Variants in TNFRSF8 observed in about 807,000 individuals in gnomAD.
TNFRSF8 encodes TNF receptor superfamily member 8, also known as tumor necrosis factor receptor superfamily member 8.
In TNFRSF8, 26 loss-of-function variants were observed where a neutral mutation model predicts 70.8. That is an observed-to-expected ratio of 0.37 (90% CI 0.27 to 0.51). The LOEUF (loss-of-function observed/expected upper bound fraction) is 0.51. TNFRSF8 is among the 20% of genes least tolerant of loss of function. The pLI, the probability that TNFRSF8 is intolerant of heterozygous loss-of-function variation, is 0.94. For synonymous variants in TNFRSF8, 356 were observed against 339.2 expected (o/e 1.05, Z -0.54); for missense variants, 720 against 807.9 (o/e 0.89, Z 1.32).
intron 2 of TNFRSF8, among the ~76,000 whole-genome samples, chr1:12,090,563 C>T (rs949290551): frequency 1.3e-5 from 2 of 150,208 alleles, no homozygotes; most frequent in African/African-American, 4.9e-5. Flanking sequence ...CACCTATGCA[C>T]TCACTCATCC....
chr1:12,095,084 G>A (rs899399620), intron 2 of TNFRSF8, among the ~76,000 whole-genome samples: 4 of 152,000 alleles, frequency 2.6e-5, no homozygotes, highest in African/African-American at 9.7e-5. Context: ...TATGAATTCC[G>A]CCCATTATGA....
intron 1 of TNFRSF8, among the ~76,000 whole-genome samples, chr1:12,075,290 T>C (rs991906908): frequency 1.5e-4 from 23 of 151,836 alleles, no homozygotes; most frequent in Non-Finnish European, 2.6e-4. Flanking sequence ...CTTGCTATGT[T>C]GCCCAGGCTG....
At chr1:12,080,614 A>G (rs1641048038) in intron 1 of TNFRSF8, 4 of 333,328 alleles carry the variant, frequency 1.2e-5, no homozygotes, top group African/African-American at 6.5e-5. Context: ...CTGGAGTGCA[A>G]TGGTGCGTTC....
intron 12 of TNFRSF8, among the ~76,000 whole-genome samples, chr1:12,126,796 G>A (rs1052932957): frequency 6.6e-6 from 1 of 152,220 alleles, no homozygotes; most frequent in Non-Finnish European, 1.5e-5. Context: ...AAATGCAGAT[G>A]GTAGAATCTA....
intron 1 of TNFRSF8, among the ~76,000 whole-genome samples, chr1:12,067,649 C>A (rs1202996484): frequency 1.3e-5 from 2 of 151,616 alleles, no homozygotes; most frequent in African/African-American, 4.9e-5. Context: ...GCACTCCCGC[C>A]TGGGTGGCAG....
intron 1 of TNFRSF8, among the ~76,000 whole-genome samples, chr1:12,081,182 C>A (rs1217511024): frequency 6.6e-6 from 1 of 152,208 alleles, no homozygotes; most frequent in Non-Finnish European, 1.5e-5. Context: ...AGGAGGGAAG[C>A]ATAAGCAGCC....
chr1:12,104,329 G>T, intron 3 of TNFRSF8, 50 bp from the exon 4 acceptor site: 1 of 1,609,240 alleles, frequency 6.2e-7, no homozygotes, highest in East Asian at 2.2e-5. Context: ...GCTATCTGGA[G>T]AGACGCCTTC....
chr1:12,065,358 C>T (rs1640722309), intron 1 of TNFRSF8, among the ~76,000 whole-genome samples: 1 of 152,168 alleles, frequency 6.6e-6, no homozygotes, highest in Non-Finnish European at 1.5e-5. Flanking sequence ...GCTAGGGTTA[C>T]AGGCATGAGC....
intron 2 of TNFRSF8, among the ~76,000 whole-genome samples, chr1:12,086,258 G>T (rs1484857402): frequency 6.6e-6 from 1 of 152,222 alleles, no homozygotes; most frequent in Admixed American, 6.5e-5. Context: ...TTCTTGGAAA[G>T]AATTTGATGT....
At position 12,109,923 on chromosome 1, in the gene TNFRSF8, C is replaced by A; in HGVS notation, c.513-118C>A. On this transcript the variant is annotated intron_variant, in intron 5 of 14. Coordinates refer to ENST00000263932, the MANE Select transcript of TNFRSF8 (RefSeq NM_001243.5). The surrounding 1 kb of genome is among the most constrained non-coding windows in gnomAD (Gnocchi z 4.4). ...TCCCAGGAGCTTACAGTGGGCCCGC[C>A]AGAGGCAGTGGGCCAAGGGCCTGGG... 1 of 1,301,168 alleles carries A rather than the reference C, an allele frequency of 7.7e-7. No individual in the cohort carries two copies. Among genetic ancestry groups the A allele is most frequent in the South Asian group, 1.4e-5 (1 of 70,976 alleles). 80.6% of individuals were successfully genotyped at this position (1,301,168 alleles called of 1,614,324 possible).
At chr1:12,126,948 C>G (rs1469964447) in intron 12 of TNFRSF8, among the ~76,000 whole-genome samples, 1 of 152,204 alleles carries the variant, frequency 6.6e-6, no homozygotes, top group African/African-American at 2.4e-5. Flanking sequence ...TTCAGGCCTT[C>G]CTGAGTCCTG....
intron 14 of TNFRSF8, among the ~76,000 whole-genome samples, chr1:12,139,322 A>T (rs1050774991): frequency 1.3e-5 from 2 of 151,898 alleles, no homozygotes; most frequent in African/African-American, 2.4e-5. Context: ...CAGTCTCCCA[A>T]ATTTACAGAC....
chr1:12,077,063 C>T (rs746664136), intron 1 of TNFRSF8, among the ~76,000 whole-genome samples: 23 of 152,126 alleles, frequency 1.5e-4, no homozygotes, highest in Non-Finnish European at 3.1e-4. Flanking sequence ...ACTACAGGTG[C>T]ATTCCACCAC....
rs1357448422 is a variant in TNFRSF8 at position 12,109,074 on chromosome 1, CTA to C, written c.422-490_422-489del. 5.9e-5 allele frequency among the ~76,000 whole-genome samples: 9 copies of C among 152,204 alleles called. No individual in the cohort carries two copies. Among genetic ancestry groups the C allele is most frequent in the Non-Finnish European group, 1.2e-4 (8 of 68,040 alleles). Reference sequence around the variant, plus strand: ...CTCCATCTTGCCCCATCTCTCACCTCTATTTCCCTCTCTGTTGGTTCATCGGC... The same window carrying C: ...CTCCATCTTGCCCCATCTCTCACCTCTTTCCCTCTCTGTTGGTTCATCGGC... On this transcript the variant is annotated intron_variant, in intron 4 of 14. Transcript: ENST00000263932. The surrounding 1 kb of genome is among the most constrained non-coding windows in gnomAD (Gnocchi z 4.4).
chr1:12,078,198 G>A (rs1280920367), intron 1 of TNFRSF8, among the ~76,000 whole-genome samples: 1 of 152,088 alleles, frequency 6.6e-6, no homozygotes, highest in African/African-American at 2.4e-5. Flanking sequence ...TAGATGTGGG[G>A]GTAAAACTGC....
chr1:12,138,710 G>A lies in TNFRSF8; in HGVS notation c.1543+274G>A, dbSNP rs1642199866. The stretch of plus-strand genomic sequence containing the variant: ...ACACCACCCCAGCCCCCAACACCGA[G>A]CACCCGAGGGGACAGGAGGAAGACG... On this transcript the variant is annotated intron_variant, in intron 14 of 14. Coordinates refer to ENST00000263932, the MANE Select transcript of TNFRSF8 (RefSeq NM_001243.5). This position sits in a 1 kb window ranked among gnomAD's most constrained non-coding sequence, Gnocchi z 5.7. Among the ~76,000 whole-genome samples, 1 of 152,180 alleles carries A rather than the reference G, an allele frequency of 6.6e-6. No homozygotes were observed. Among genetic ancestry groups the A allele is most frequent in the African/African-American group, 2.4e-5 (1 of 41,444 alleles).
chr1:12,114,420 T>C (rs934582512), intron 7 of TNFRSF8, among the ~76,000 whole-genome samples: 1 of 152,094 alleles, frequency 6.6e-6, no homozygotes, highest in Non-Finnish European at 1.5e-5. Flanking sequence ...TTGCACAAAT[T>C]CCCCAAATCC....
At position 12,113,985 on chromosome 1, in the gene TNFRSF8, C is replaced by G. The variant is rs1026663013; in HGVS notation, c.794-1592C>G. On this transcript the variant is annotated intron_variant, in intron 7 of 14. Transcript: ENST00000263932. This position sits in a 1 kb window ranked among gnomAD's most constrained non-coding sequence, Gnocchi z 4.9. ...ACTGCAGCCATGTTTTGGGGAAATA[C>G]AGTCTGCCACAACCACCATGTGGAC... Among the ~76,000 whole-genome samples the G allele has an allele frequency of 2.0e-5, 3 of 152,208 alleles. No homozygotes were observed. Among genetic ancestry groups the G allele is most frequent in the African/African-American group, 7.2e-5 (3 of 41,440 alleles).
intron 1 of TNFRSF8, among the ~76,000 whole-genome samples, chr1:12,083,795 G>A (rs542642794): frequency 8.5e-5 from 13 of 152,376 alleles, no homozygotes; most frequent in Admixed American, 3.3e-4. Flanking sequence ...TTGCAACAGT[G>A]CGAATGATTC....
Sources: allele counts gnomAD v4.1 joint callset (sites outside exome capture counted in the v4.1 genomes callset), GRCh38; gene constraint gnomAD v4.1.1; non-coding constraint Gnocchi (gnomAD v3.1); transcripts MANE v1.5; gene names NCBI Gene and HGNC (gene_info 2026-07-23, HGNC 2026-07-21).